The following PITPNM2 variants were observed in gnomAD, a reference collection of about 807,000 sequenced individuals.
PITPNM2 encodes phosphatidylinositol transfer protein membrane associated 2, also known as membrane-associated phosphatidylinositol transfer protein 2.
Under a neutral mutation model 132.2 loss-of-function variants are expected in PITPNM2, and 35 were observed. The ratio of observed to expected loss-of-function variants is 0.26; its 90% CI spans 0.20 to 0.35. The LOEUF (loss-of-function observed/expected upper bound fraction) is 0.35. Ranked by LOEUF, PITPNM2 falls within the 10% of genes least tolerant of loss-of-function variation. The pLI, the probability that PITPNM2 is intolerant of heterozygous loss-of-function variation, is 1.00. For missense variants in PITPNM2, 1,332 were observed against 1,912.0 expected, an observed-to-expected ratio of 0.70 and a Z score of 5.66; for synonymous variants, 738 against 799.2, an observed-to-expected ratio of 0.92 and a Z score of 1.29.
chr12:123,042,806 A>G (rs1471707294), intron 2 of PITPNM2, among the ~76,000 whole-genome samples: 1 of 152,148 alleles, frequency 6.6e-6, no homozygotes, highest in African/African-American at 2.4e-5. Context: ...AAGGCTCCCC[A>G]GGCCTCCCCT....
rs370041768 is a variant in PITPNM2, at chr12:123,112,827, T to C, written c.-199-2339A>G. ...TGCAGGGATTACAGGCGTGAGCCACTGCACCCAGCCTAAATCTTCAATATA... is the reference window on the plus strand; with the variant it reads ...TGCAGGGATTACAGGCGTGAGCCACCGCACCCAGCCTAAATCTTCAATATA... On this transcript the variant is annotated intron_variant, in intron 1 of 25. Coordinates refer to ENST00000320201, the MANE Select transcript of PITPNM2 (RefSeq NM_020845.3). 1.5e-3 allele frequency among the ~76,000 whole-genome samples: 234 copies of C among 152,260 alleles called. 4 individuals carry two copies. Among genetic ancestry groups the C allele is most frequent in the Admixed American group, 2.0e-3 (31 of 15,288 alleles).
intron 1 of PITPNM2, among the ~76,000 whole-genome samples, chr12:123,149,455 A>G (rs2043683517): frequency 6.6e-6 from 1 of 152,194 alleles, no homozygotes; most frequent in Admixed American, 6.5e-5. Flanking sequence ...TCATGGAAGG[A>G]AAGTAATTTA....
chr12:123,105,281 G>A (rs957877016), intron 2 of PITPNM2: 1 of 152,166 alleles, frequency 6.6e-6, no homozygotes, highest in Non-Finnish European at 1.5e-5. Context: ...TAGAATACAA[G>A]CCCCAGGAGG....
intron 1 of PITPNM2, among the ~76,000 whole-genome samples, chr12:123,137,248 T>C (rs1453802286): frequency 1.3e-5 from 2 of 152,138 alleles, no homozygotes; most frequent in East Asian, 3.8e-4. Flanking sequence ...TCAGCACACA[T>C]TCTGAAGGCC....
At chr12:123,092,578 C>T (rs1474311408) in intron 2 of PITPNM2, 1 of 152,266 alleles carries the variant, frequency 6.6e-6, no homozygotes, top group Non-Finnish European at 1.5e-5. Flanking sequence ...CAAAAGGCTC[C>T]TCAAGGCTTT....
At position 123,022,573 on chromosome 12, in the gene PITPNM2, C is replaced by T. The variant is rs1225903657; in HGVS notation, c.79-8531G>A. Among the ~76,000 whole-genome samples, 3 of 152,188 alleles carry T rather than the reference C, an allele frequency of 2.0e-5. No individual in the cohort carries two copies. The highest frequency in any genetic ancestry group is 2.9e-5 in the Non-Finnish European group (2 of 68,038). On this transcript the variant is annotated intron_variant, in intron 3 of 25. Coordinates refer to ENST00000320201, the MANE Select transcript of PITPNM2 (RefSeq NM_020845.3). The surrounding 1 kb of genome is among the most constrained non-coding windows in gnomAD (Gnocchi z 4.9). ...AGTTTACAACTTGCCTTTGCACCCACCTGTTCTCTGCACTTCAGAGCCCTG... is the reference window on the plus strand; with the variant it reads ...AGTTTACAACTTGCCTTTGCACCCATCTGTTCTCTGCACTTCAGAGCCCTG...
At chr12:123,025,325 T>A (rs961643619) in intron 3 of PITPNM2, among the ~76,000 whole-genome samples, 3 of 151,992 alleles carry the variant, frequency 2.0e-5, no homozygotes, top group African/African-American at 7.3e-5. Flanking sequence ...TTGAGTCCCC[T>A]TCCAAAACAA....
At chr12:123,116,486 CA>C (rs1566300062) in intron 1 of PITPNM2, among the ~76,000 whole-genome samples, 1 of 151,646 alleles carries the variant, frequency 6.6e-6, no homozygotes, top group Non-Finnish European at 1.5e-5. Context: ...CCCATCTCTA[CA>C]AAAAATACAA....
intron 1 of PITPNM2, among the ~76,000 whole-genome samples, chr12:123,115,657 C>T (rs946377317): frequency 6.6e-6 from 1 of 152,062 alleles, no homozygotes; most frequent in Non-Finnish European, 1.5e-5. Context: ...CCCAAGCCCA[C>T]AAAAATATCA....
At chr12:123,025,733 A>G (rs1421415741) in intron 3 of PITPNM2, among the ~76,000 whole-genome samples, 2 of 152,254 alleles carry the variant, frequency 1.3e-5, no homozygotes, top group South Asian at 2.1e-4. Context: ...CACTCGGCCT[A>G]TGTGGACCAG....
Position 123,022,939 on chromosome 12 carries a change from C to T in PITPNM2, c.79-8897G>A, listed in dbSNP as rs1013217540. 6.6e-6 allele frequency among the ~76,000 whole-genome samples: 1 copy of T among 152,218 alleles called. No homozygotes were observed. Among genetic ancestry groups the T allele is most frequent in the African/African-American group, 2.4e-5 (1 of 41,460 alleles). On this transcript the variant is annotated intron_variant, in intron 3 of 25. Transcript: ENST00000320201. This position sits in a 1 kb window ranked among gnomAD's most constrained non-coding sequence, Gnocchi z 4.9. The stretch of plus-strand genomic sequence containing the variant: ...CCACCCAAACCTCCCTCCCCAGAGC[C>T]CCGCTGGGACCAAGCAAGGCGGGCT...
rs1239267864 is a variant in PITPNM2, at chr12:123,045,694, A to G, written c.-95-11009T>C. Among the ~76,000 whole-genome samples the G allele has an allele frequency of 2.6e-5, 4 of 152,262 alleles. No individual in the cohort carries two copies. In the East Asian group the frequency reaches 7.7e-4, roughly 29 times the overall value. ...GTTAGTTATCAGCTGCAAATTATGA[A>G]TTTTTGTTGCTCCAAAACAACAGCT... On this transcript the variant is annotated intron_variant, in intron 2 of 25. Coordinates refer to ENST00000320201, the MANE Select transcript of PITPNM2 (RefSeq NM_020845.3).
intron 1 of PITPNM2, among the ~76,000 whole-genome samples, chr12:123,124,867 G>C (rs1053528110): frequency 6.6e-6 from 1 of 152,168 alleles, no homozygotes; most frequent in Admixed American, 6.5e-5. Context: ...CTATGAGTTT[G>C]TAAGTTCCAT....
At chr12:123,030,551 G>A (rs1396857819) in intron 3 of PITPNM2, among the ~76,000 whole-genome samples, 1 of 152,170 alleles carries the variant, frequency 6.6e-6, no homozygotes, top group Non-Finnish European at 1.5e-5. Context: ...AAATTAGCCA[G>A]GGGTGGTGGC....
At chr12:123,044,969 C>T (rs1311876404) in intron 2 of PITPNM2, among the ~76,000 whole-genome samples, 1 of 152,092 alleles carries the variant, frequency 6.6e-6, no homozygotes, top group African/African-American at 2.4e-5. Context: ...TCTTTGTTTC[C>T]TCAAATTCCC....
At chr12:123,136,453 G>A (rs2137608323) in intron 1 of PITPNM2, among the ~76,000 whole-genome samples, 1 of 152,090 alleles carries the variant, frequency 6.6e-6, no homozygotes, top group Admixed American at 6.5e-5. Flanking sequence ...CAACCCCTCG[G>A]CCTCAGCTTA....
chr12:123,125,648 G>T (rs886428757), intron 1 of PITPNM2, among the ~76,000 whole-genome samples: 1 of 151,434 alleles, frequency 6.6e-6, no homozygotes, highest in African/African-American at 2.4e-5. Flanking sequence ...TTTGAGACCA[G>T]CCTGACCAAC....
intron 2 of PITPNM2, among the ~76,000 whole-genome samples, chr12:123,045,744 G>A (rs917022119): frequency 1.3e-5 from 2 of 152,142 alleles, no homozygotes; most frequent in East Asian, 1.9e-4. Flanking sequence ...TGCAAGGAGC[G>A]CTGTGGGGCT....
chr12:123,121,767 A>T (rs901327053), intron 1 of PITPNM2, among the ~76,000 whole-genome samples: 1 of 151,168 alleles, frequency 6.6e-6, no homozygotes, highest in Non-Finnish European at 1.5e-5. Context: ...GTGGTCTCTA[A>T]CTCCTGGCCT....
Sources: gnomAD v4.1 joint callset for allele counts (sites outside exome capture counted in the v4.1 genomes callset) on GRCh38, gnomAD v4.1.1 for gene constraint, Gnocchi (gnomAD v3.1) non-coding constraint, MANE v1.5 for transcripts, NCBI Gene and HGNC (gene_info 2026-07-23, HGNC 2026-07-21) for gene names.